Variants in PKNOX2 observed in about 807,000 individuals in gnomAD.
PKNOX2 encodes homeobox protein PKNOX2.
Under a neutral mutation model 53.1 loss-of-function variants are expected in PKNOX2, and 14 were observed. The ratio of observed to expected loss-of-function variants is 0.26; its 90% CI spans 0.17 to 0.41. The LOEUF (loss-of-function observed/expected upper bound fraction) is 0.41, where lower values mean the gene tolerates loss of function less well. Ranked by LOEUF, PKNOX2 falls within the 10% of genes least tolerant of loss-of-function variation. The pLI, the probability that PKNOX2 is intolerant of heterozygous loss-of-function variation, is 1.00. For missense variants in PKNOX2, 496 were observed against 602.8 expected (o/e 0.82, Z 1.85); for synonymous variants, 257 against 242.8 (o/e 1.06, Z -0.54).
At chr11:125,237,764 A>G (rs1942833340) in intron 2 of PKNOX2, among the ~76,000 whole-genome samples, 1 of 152,148 alleles carries the variant, frequency 6.6e-6, no homozygotes, top group Non-Finnish European at 1.5e-5. Context: ...CGATCTCAAC[A>G]AGAGTGAGTT....
intron 1 of PKNOX2, among the ~76,000 whole-genome samples, chr11:125,229,407 C>T (rs1942008301): frequency 1.3e-5 from 2 of 152,210 alleles, no homozygotes; most frequent in Admixed American, 6.5e-5. Context: ...TTAGGTCATA[C>T]AATTTCTGGA....
chr11:125,244,052 G>A (rs1271315182), intron 2 of PKNOX2, among the ~76,000 whole-genome samples: 1 of 152,236 alleles, frequency 6.6e-6, no homozygotes, highest in Non-Finnish European at 1.5e-5. Context: ...ATGAAGGGAA[G>A]GGTTGGAGCT....
At chr11:125,204,289 C>T (rs1346229878) in intron 1 of PKNOX2, among the ~76,000 whole-genome samples, 1 of 152,102 alleles carries the variant, frequency 6.6e-6, no homozygotes, top group Non-Finnish European at 1.5e-5. Flanking sequence ...CTGTGTTTCT[C>T]AGATGTTAAG....
chr11:125,389,129 A>G (rs1210255038), intron 6 of PKNOX2, among the ~76,000 whole-genome samples: 2 of 152,192 alleles, frequency 1.3e-5, no homozygotes, highest in Non-Finnish European at 2.9e-5. Context: ...CAGTAGGCAG[A>G]GGTTGCAGTG....
chr11:125,301,914 A>G, intron 2 of PKNOX2, among the ~76,000 whole-genome samples: 1 of 152,224 alleles, frequency 6.6e-6, no homozygotes, highest in East Asian at 1.9e-4. Flanking sequence ...ATTTTGGCCA[A>G]CATTTACTAG....
At chr11:125,182,796 A>G (rs1182320635) in intron 1 of PKNOX2, among the ~76,000 whole-genome samples, 1 of 152,214 alleles carries the variant, frequency 6.6e-6, no homozygotes, top group Non-Finnish European at 1.5e-5. Flanking sequence ...GGCCTGGGGA[A>G]GGACCCTTGG....
At chr11:125,214,915 G>A (rs550267561) in intron 1 of PKNOX2, among the ~76,000 whole-genome samples, 15 of 152,184 alleles carry the variant, frequency 9.9e-5, no homozygotes, top group African/African-American at 3.6e-4. Flanking sequence ...CTGTGGGCCT[G>A]GGAGGAGAGA....
intron 10 of PKNOX2, among the ~76,000 whole-genome samples, chr11:125,412,232 G>A (rs538358216): frequency 8.5e-5 from 13 of 152,106 alleles, no homozygotes; most frequent in African/African-American, 2.2e-4. Flanking sequence ...TCCCCCTGCC[G>A]CAGCCACGCT....
At chr11:125,395,677 T>C (rs1279067893) in intron 6 of PKNOX2, among the ~76,000 whole-genome samples, 1 of 152,252 alleles carries the variant, frequency 6.6e-6, no homozygotes, top group East Asian at 1.9e-4. Flanking sequence ...TAGTGACTAA[T>C]GACATTGAAT....
chr11:125,418,754 C>A (rs1379817312), intron 10 of PKNOX2, among the ~76,000 whole-genome samples: 2 of 152,032 alleles, frequency 1.3e-5, no homozygotes, highest in Non-Finnish European at 2.9e-5. Flanking sequence ...ATCCGACCAA[C>A]CTTGGATTGA....
At chr11:125,277,910 A>G (rs1438185837) in intron 2 of PKNOX2, among the ~76,000 whole-genome samples, 1 of 152,198 alleles carries the variant, frequency 6.6e-6, no homozygotes, top group Non-Finnish European at 1.5e-5. Context: ...ATTATGTATC[A>G]GTGCAATTTT....
chr11:125,301,364 C>T (rs747663425), intron 2 of PKNOX2, among the ~76,000 whole-genome samples: 1 of 151,956 alleles, frequency 6.6e-6, no homozygotes, highest in Non-Finnish European at 1.5e-5. Context: ...TACCCAAAGA[C>T]TCTTGGGTAG....
chr11:125,180,046 C>A (rs1236002966), intron 1 of PKNOX2, among the ~76,000 whole-genome samples: 2 of 152,192 alleles, frequency 1.3e-5, no homozygotes, highest in Non-Finnish European at 2.9e-5. Context: ...CTTCTAGACA[C>A]CCCTGTTGTA....
rs1473927689 is a variant in PKNOX2, at chr11:125,249,607, T to C, written c.-130+14492T>C. Among the ~76,000 whole-genome samples, 7 of 152,138 alleles carry C rather than the reference T, an allele frequency of 4.6e-5. No individual in the cohort carries two copies. The East Asian group carries it at 1.3e-3, about 29-fold the overall frequency. On this transcript the variant is annotated intron_variant, in intron 2 of 12. Coordinates refer to ENST00000298282, the MANE Select transcript of PKNOX2 (RefSeq NM_001382323.2). ...TTTAAAGTATATGGGAGAATATGTG[T>C]AGGTTATATGCAAATACAACACCAT...
intron 2 of PKNOX2, among the ~76,000 whole-genome samples, chr11:125,300,281 T>C (rs944536071): frequency 1.3e-5 from 2 of 152,222 alleles, no homozygotes; most frequent in African/African-American, 2.4e-5. Context: ...CAATGACCAC[T>C]ACTACTACTA....
intron 11 of PKNOX2, among the ~76,000 whole-genome samples, chr11:125,429,622 C>T (rs1241623858): frequency 1.3e-5 from 2 of 152,350 alleles, no homozygotes; most frequent in Non-Finnish European, 2.9e-5. Flanking sequence ...GACCCCAGAG[C>T]TGAGGGCCCT....
At chr11:125,343,964 C>G (rs1459568664) in intron 3 of PKNOX2, among the ~76,000 whole-genome samples, 1 of 152,206 alleles carries the variant, frequency 6.6e-6, no homozygotes, top group Non-Finnish European at 1.5e-5. Context: ...GGTGGGGCTC[C>G]TCTCTGGGAA....
chr11:125,411,503 T>TCTCC lies in PKNOX2; in HGVS notation c.817-240_817-239insCCTC, dbSNP rs1555172699. 8.6e-4 allele frequency: 379 copies of TCTCC among 440,732 alleles called. 4 individuals carry two copies. Among genetic ancestry groups the TCTCC allele is most frequent in the African/African-American group, 6.2e-3 (269 of 43,380 alleles). The allele number at this position is 440,732 out of a possible 1,614,324, so 27.3% of individuals were successfully genotyped here. On this transcript the variant is annotated intron_variant, in intron 9 of 12. Transcript: ENST00000298282. ...CTCTCTCTCTCTCTCTCTCTCTCTCTCTCTCTCCCCCCCTTCCCCATCTCT... is the reference window on the plus strand; with the variant it reads ...CTCTCTCTCTCTCTCTCTCTCTCTCTCTCCCTCTCTCCCCCCCTTCCCCATCTCT...
At chr11:125,409,421 C>T in intron 7 of PKNOX2, among the ~76,000 whole-genome samples, 1 of 152,162 alleles carries the variant, frequency 6.6e-6, no homozygotes, top group South Asian at 2.1e-4. Flanking sequence ...CCAGTGGAAT[C>T]CTGTGGGCAG....
Sources: allele counts gnomAD v4.1 joint callset (sites outside exome capture counted in the v4.1 genomes callset), GRCh38; gene constraint gnomAD v4.1.1; transcripts MANE v1.5; gene names NCBI Gene and HGNC (gene_info 2026-07-23, HGNC 2026-07-21).